The following CREBL2 variants were observed in gnomAD, a reference collection of about 807,000 sequenced individuals.
CREBL2 encodes cAMP-responsive element-binding protein-like 2.
CREBL2 carries 4 observed loss-of-function variants against 19.5 expected under a neutral mutation model. The ratio of observed to expected loss-of-function variants is 0.20; its 90% CI spans 0.10 to 0.47. The LOEUF is 0.47. Among genes scored for constraint, CREBL2 ranks in the 20% least tolerant of loss-of-function variants. CREBL2 has a pLI of 0.98. For missense variants in CREBL2, 85 were observed against 145.1 expected (o/e 0.59, Z 2.13); for synonymous variants, 42 against 46.6 (o/e 0.90, Z 0.40).
chr12:12,636,235 G>A (rs748542577), intron 2 of CREBL2, among the ~76,000 whole-genome samples: 11 of 152,050 alleles, frequency 7.2e-5, no homozygotes, highest in Non-Finnish European at 1.6e-4. Flanking sequence ...TAAAGGACTG[G>A]TTAAATAAAT....
At chr12:12,624,922 G>T (rs543902445) in intron 1 of CREBL2, among the ~76,000 whole-genome samples, 3 of 152,216 alleles carry the variant, frequency 2.0e-5, no homozygotes, top group Non-Finnish European at 4.4e-5. Flanking sequence ...CTCAGCAGGA[G>T]GGGGAACTGA....
At chr12:12,632,262 A>G (rs571918639) in intron 1 of CREBL2, among the ~76,000 whole-genome samples, 21 of 151,170 alleles carry the variant, frequency 1.4e-4, no homozygotes, top group Non-Finnish European at 2.5e-4. Context: ...TATTTTTAGT[A>G]GAGACGGGGT....
chr12:12,612,161 C>T lies in CREBL2; in HGVS notation c.-12C>T. 6.2e-7 allele frequency: 1 copy of T among 1,612,574 alleles called. No homozygotes were observed. Among genetic ancestry groups the T allele is most frequent in the Non-Finnish European group, 8.5e-7 (1 of 1,180,020 alleles). On this transcript the variant is annotated 5_prime_UTR_variant, in exon 1 of 4. Coordinates refer to ENST00000228865, the MANE Select transcript of CREBL2 (RefSeq NM_001310.4). ...GGAGGGAGTGCCTGGCCAGGCCGGC[C>T]TGTCTGCCGCGATGGATGACAGTAA... is the stretch of plus-strand genomic sequence containing the variant.
chr12:12,624,679 C>G (rs1178612406), intron 1 of CREBL2, among the ~76,000 whole-genome samples: 1 of 152,202 alleles, frequency 6.6e-6, no homozygotes, highest in Non-Finnish European at 1.5e-5. Flanking sequence ...TTACAGTGCT[C>G]TTTGAGCTCT....
At chr12:12,614,178 A>T (rs1238603117) in intron 1 of CREBL2, among the ~76,000 whole-genome samples, 2 of 151,758 alleles carry the variant, frequency 1.3e-5, no homozygotes, top group African/African-American at 4.8e-5. Flanking sequence ...TTTTTCGTAG[A>T]GACAGGGTTT....
intron 1 of CREBL2, among the ~76,000 whole-genome samples, chr12:12,612,642 T>G (rs1945277343): frequency 6.6e-6 from 1 of 152,114 alleles, no homozygotes; most frequent in Non-Finnish European, 1.5e-5. Context: ...CTGAGCTATT[T>G]CCTGTGGTTG....
At chr12:12,617,399 G>A (rs1225951737) in intron 1 of CREBL2, among the ~76,000 whole-genome samples, 3 of 151,374 alleles carry the variant, frequency 2.0e-5, no homozygotes, top group Non-Finnish European at 1.5e-5. Context: ...TACTAGGCTA[G>A]TTGGGAAGGA....
rs1024325926 is a variant in CREBL2, at chr12:12,643,697, G to A, written c.*1699G>A. ...CTAGTCTAGTCTAGTCTAGTCATGT[G>A]TGACTGTGTACTGAGATACCACTAG... is the stretch of plus-strand genomic sequence containing the variant. On this transcript the variant is annotated 3_prime_UTR_variant, in exon 4 of 4. Coordinates refer to ENST00000228865, the MANE Select transcript of CREBL2 (RefSeq NM_001310.4). 1 of 151,862 alleles carries A rather than the reference G, an allele frequency of 6.6e-6. No individual in the cohort carries two copies. Among genetic ancestry groups the A allele is most frequent in the African/African-American group, 2.4e-5 (1 of 41,432 alleles). 9.4% of individuals were successfully genotyped at this position (151,862 alleles called of 1,614,324 possible). A position where few individuals can be genotyped will look rare whatever the true frequency, so the allele number is the denominator to read the frequency against.
intron 3 of CREBL2, among the ~76,000 whole-genome samples, chr12:12,638,255 A>G (rs902569030): frequency 1.3e-5 from 2 of 152,162 alleles, no homozygotes; most frequent in African/African-American, 4.8e-5. Flanking sequence ...ACCCTGGCCA[A>G]CATGGTGAAA....
chr12:12,633,278 G>A (rs1196705729), intron 1 of CREBL2, among the ~76,000 whole-genome samples: 2 of 151,886 alleles, frequency 1.3e-5, no homozygotes, highest in Admixed American at 6.6e-5. Context: ...TGACGATTGG[G>A]CCAGGCCCGG....
intron 3 of CREBL2, among the ~76,000 whole-genome samples, chr12:12,638,646 A>T (rs1229183656): frequency 6.6e-6 from 1 of 152,040 alleles, no homozygotes; most frequent in Non-Finnish European, 1.5e-5. Flanking sequence ...TTTCATTTAT[A>T]TTTATCTTAA....
chr12:12,620,237 T>G (rs939759999), intron 1 of CREBL2, among the ~76,000 whole-genome samples: 55 of 49,172 alleles, frequency 1.1e-3, no homozygotes, highest in Non-Finnish European at 5.2e-3. Flanking sequence ...TTTTCTTTTC[T>G]TTTTCTTTTT....
rs149226113 is a variant in CREBL2 at position 12,622,107 on chromosome 12, G to A, written c.15+9920G>A. Among the ~76,000 whole-genome samples, 1,299 of 152,270 alleles carry A rather than the reference G, an allele frequency of 8.5e-3. 8 individuals are homozygous for A. Among genetic ancestry groups the A allele is most frequent in the Admixed American group, 0.014 (221 of 15,296 alleles). Reference sequence around the variant, plus strand: ...ATTACTTTCTTCAGATACGGATTGGGTGTGTTAATAAGGACCTTATTGAGT... The same window carrying A: ...ATTACTTTCTTCAGATACGGATTGGATGTGTTAATAAGGACCTTATTGAGT... On this transcript the variant is annotated intron_variant, in intron 1 of 3. Coordinates refer to ENST00000228865, the MANE Select transcript of CREBL2 (RefSeq NM_001310.4).
chr12:12,634,220 G>C (rs1330242783), intron 1 of CREBL2, among the ~76,000 whole-genome samples: 1 of 152,202 alleles, frequency 6.6e-6, no homozygotes, highest in Non-Finnish European at 1.5e-5. Flanking sequence ...TACTTGATGT[G>C]TAAGTTCAGG....
At chr12:12,616,248 C>T (rs1945310723) in intron 1 of CREBL2, among the ~76,000 whole-genome samples, 1 of 152,122 alleles carries the variant, frequency 6.6e-6, no homozygotes, top group Non-Finnish European at 1.5e-5. Context: ...GGCTACTTAG[C>T]TGTAAGATCA....
At chr12:12,614,832 C>T (rs566986054) in intron 1 of CREBL2, 2 of 334,904 alleles carry the variant, frequency 6.0e-6, no homozygotes, top group Non-Finnish European at 1.2e-5. Flanking sequence ...TCCAGTTTTG[C>T]CATAGTAAGA....
At position 12,622,020 on chromosome 12, in the gene CREBL2, A is replaced by G. The variant is rs528234238; in HGVS notation, c.15+9833A>G. ...GGTTTTAGCATATGACTGGAGTTCA[A>G]ATCTCATTTTCACCCTTTCAAACTG... On this transcript the variant is annotated intron_variant, in intron 1 of 3. Transcript: ENST00000228865. Among the ~76,000 whole-genome samples, 6 of 152,328 alleles carry G rather than the reference A, an allele frequency of 3.9e-5. No homozygotes were observed. In the East Asian group the frequency reaches 9.6e-4, roughly 24 times the overall value.
chr12:12,641,253 A>ATTATTTTTTTTTTT (rs1478394376), intron 3 of CREBL2, among the ~76,000 whole-genome samples: 17 of 78,242 alleles, frequency 2.2e-4, no homozygotes, highest in East Asian at 9.1e-4. Context: ...TATTATTATT[A>ATTATTTTTTTTTTT]TTTTTTTTTA....
At chr12:12,636,626 T>C (rs1945477661) in intron 2 of CREBL2, among the ~76,000 whole-genome samples, 1 of 152,174 alleles carries the variant, frequency 6.6e-6, no homozygotes, top group African/African-American at 2.4e-5. Context: ...TTTCACTGCA[T>C]TAGTCAGGAT....
Sources: gnomAD v4.1 joint callset for allele counts (sites outside exome capture counted in the v4.1 genomes callset) on GRCh38, gnomAD v4.1.1 for gene constraint, MANE v1.5 for transcripts, NCBI Gene and HGNC (gene_info 2026-07-23, HGNC 2026-07-21) for gene names.